The following THSD4 variants were observed in gnomAD, a reference collection of about 807,000 sequenced individuals.
The protein encoded by THSD4 is thrombospondin type-1 domain-containing protein 4.
A neutral mutation model predicts 119.0 loss-of-function variants in THSD4; 69 were observed. That is an observed-to-expected ratio of 0.58 (90% CI 0.48 to 0.71). The LOEUF is 0.71. Ranked by LOEUF, THSD4 falls within the 30% of genes least tolerant of loss-of-function variation. The pLI is 0.00. For synonymous variants in THSD4, 524 were observed against 540.4 expected (o/e 0.97, Z 0.42); for missense variants, 1,393 against 1,391.1 (o/e 1.00, Z -0.02).
chr15:71,226,639 C>T (rs1232374451), intron 4 of THSD4, among the ~76,000 whole-genome samples: 1 of 152,204 alleles, frequency 6.6e-6, no homozygotes, highest in African/African-American at 2.4e-5. Context: ...CTAGAGCTGA[C>T]TGGGCCTCTT....
intron 17 of THSD4, among the ~76,000 whole-genome samples, chr15:71,774,319 A>AC (rs2053875895): frequency 8.2e-6 from 1 of 122,394 alleles, no homozygotes. Context: ...TCAAAAAAAA[A>AC]AAAAAAAACT....
At chr15:71,185,823 C>T (rs553445884) in intron 3 of THSD4, 1 of 152,188 alleles carries the variant, frequency 6.6e-6, no homozygotes, top group African/African-American at 2.4e-5. Flanking sequence ...ATGTACCCAC[C>T]CCTCCCTGGA....
chr15:71,181,520 T>G (rs879424481), intron 3 of THSD4, among the ~76,000 whole-genome samples: 1 of 152,160 alleles, frequency 6.6e-6, no homozygotes, highest in Non-Finnish European at 1.5e-5. Context: ...GGGCCAGGAT[T>G]CCCCTTCAAA....
chr15:71,720,759 T>G (rs568870453), intron 8 of THSD4, among the ~76,000 whole-genome samples: 25 of 152,370 alleles, frequency 1.6e-4, no homozygotes, highest in Admixed American at 1.1e-3. Context: ...GCCAGGCTTC[T>G]GACCTCCAGC....
rs750254828 is a variant in THSD4 at position 71,781,188 on chromosome 15, G to A, written c.*3814G>A. The A allele has an allele frequency of 5.9e-6, 1 of 169,180 alleles. No homozygotes were observed. The highest frequency in any genetic ancestry group is 1.3e-5 in the Non-Finnish European group (1 of 77,434). 10.5% of individuals were successfully genotyped at this position (169,180 alleles called of 1,614,324 possible). On this transcript the variant is annotated 3_prime_UTR_variant, in exon 18 of 18. Transcript: ENST00000261862. The stretch of plus-strand genomic sequence containing the variant: ...AATGTATGGGTGACGTGAAGTTGAA[G>A]AGCCAATGGCTTGGGTGACACGTGC...
At chr15:71,591,468 C>T (rs913086599) in intron 7 of THSD4, among the ~76,000 whole-genome samples, 3 of 152,192 alleles carry the variant, frequency 2.0e-5, no homozygotes, top group Non-Finnish European at 2.9e-5. Flanking sequence ...ATTGCTATAC[C>T]GATCCTCTTG....
At chr15:71,172,969 C>G (rs2043396923) in intron 3 of THSD4, among the ~76,000 whole-genome samples, 1 of 151,596 alleles carries the variant, frequency 6.6e-6, no homozygotes, top group African/African-American at 2.4e-5. Context: ...AAAAACAATA[C>G]AAGGATGCCC....
chr15:71,411,640 G>A, intron 6 of THSD4, 47 bp from the exon 7 acceptor site: 1 of 1,558,912 alleles, frequency 6.4e-7, no homozygotes, highest in Non-Finnish European at 8.7e-7. Context: ...AGATGATATT[G>A]CTTATACCTT....
intron 3 of THSD4, among the ~76,000 whole-genome samples, chr15:71,180,560 G>C (rs1241574957): frequency 6.6e-6 from 1 of 152,122 alleles, no homozygotes; most frequent in African/African-American, 2.4e-5. Context: ...ATATGTAATT[G>C]ATTATGTGTC....
At chr15:71,531,854 T>C (rs1162451054) in intron 7 of THSD4, among the ~76,000 whole-genome samples, 1 of 152,230 alleles carries the variant, frequency 6.6e-6, no homozygotes, top group African/African-American at 2.4e-5. Flanking sequence ...AGAAGACGCC[T>C]GAATTCTGGG....
chr15:71,404,089 A>G (rs2046574259), intron 6 of THSD4, among the ~76,000 whole-genome samples: 1 of 152,176 alleles, frequency 6.6e-6, no homozygotes, highest in African/African-American at 2.4e-5. Flanking sequence ...TTTTTGTAAA[A>G]TCACAACTTT....
intron 6 of THSD4, 87 bp from the exon 7 acceptor site, chr15:71,411,600 A>G (rs1829481576): frequency 1.1e-5 from 16 of 1,409,894 alleles, no homozygotes; most frequent in Non-Finnish European, 1.5e-5. Context: ...AATAAAAATT[A>G]TAGGAAGAAA....
At chr15:71,132,244 G>A (rs576550548) in intron 1 of THSD4, among the ~76,000 whole-genome samples, 1 of 152,260 alleles carries the variant, frequency 6.6e-6, no homozygotes, top group African/African-American at 2.4e-5. Flanking sequence ...TAAGGAACAA[G>A]GAAGAGTAGC....
chr15:71,144,254 C>G (rs2040634993), intron 2 of THSD4, among the ~76,000 whole-genome samples: 1 of 152,160 alleles, frequency 6.6e-6, no homozygotes, highest in Admixed American at 6.5e-5. Context: ...TGCACATCAA[C>G]CATTTTGCAT....
chr15:71,466,076 G>A (rs903979588), intron 7 of THSD4, among the ~76,000 whole-genome samples: 3 of 152,182 alleles, frequency 2.0e-5, no homozygotes, highest in African/African-American at 4.8e-5. Context: ...GAGGCCGGGC[G>A]CAGTGGCTCA....
chr15:71,568,576 TTTTTTG>T (rs1437418012), intron 7 of THSD4, among the ~76,000 whole-genome samples: 106 of 106,700 alleles, frequency 9.9e-4, no homozygotes, highest in East Asian at 5.0e-3. Context: ...CTCTTTTTTT[TTTTTTG>T]TTTTTTGTTT....
intron 7 of THSD4, among the ~76,000 whole-genome samples, chr15:71,490,719 A>G (rs1160230210): frequency 1.3e-5 from 2 of 152,058 alleles, no homozygotes; most frequent in Admixed American, 6.6e-5. Context: ...ACAGAGCAGG[A>G]CTCTGTCTCA....
intron 10 of THSD4, chr15:71,731,544 C>T (rs1298180973): frequency 2.8e-5 from 8 of 281,994 alleles, no homozygotes; most frequent in Admixed American, 1.3e-4. Flanking sequence ...TCTGGGAGGC[C>T]GACGCAGGTG....
chr15:71,364,952 G>A lies in THSD4; in HGVS notation c.1016-46735G>A, dbSNP rs540296656. Among the ~76,000 whole-genome samples the A allele has an allele frequency of 1.4e-3, 209 of 152,240 alleles. 4 individuals are homozygous for A. The South Asian group carries it at 0.027, about 19-fold the overall frequency. ...GTTTGAGACAGCCCTAATCACAAAT[G>A]TTTTGACCCATTGCTTCCACCTAAA... On this transcript the variant is annotated intron_variant, in intron 6 of 17. Coordinates refer to ENST00000261862, the MANE Select transcript of THSD4 (RefSeq NM_024817.3).
Sources: allele counts gnomAD v4.1 joint callset (sites outside exome capture counted in the v4.1 genomes callset), GRCh38; gene constraint gnomAD v4.1.1; transcripts MANE v1.5; gene names NCBI Gene and HGNC (gene_info 2026-07-23, HGNC 2026-07-21).